ALG10: variants seen among roughly 807,000 people sequenced by gnomAD.
ALG10 encodes the protein ALG10 alpha-1,2-glucosyltransferase.
In ALG10, 25 loss-of-function variants were observed where a neutral mutation model predicts 39.2. That is an observed-to-expected ratio of 0.64 (90% CI 0.46 to 0.89). ALG10 has a LOEUF of 0.89. Ranked by LOEUF, ALG10 falls within the 40% of genes least tolerant of loss-of-function variation. The pLI is 0.00. For missense variants in ALG10, 486 were observed against 546.6 expected (o/e 0.89, Z 1.11); for synonymous variants, 184 against 193.9 (o/e 0.95, Z 0.42).
Position 34,026,678 on chromosome 12 carries a change from G to C in ALG10, c.1185G>C (p.Trp395Cys), listed in dbSNP as rs751417343. Residue 395 changes from tryptophan (W) to cysteine (C), a missense_variant, in exon 3 of 3, where the codon TGG becomes TGC. Physicochemically the swap from Trp to Cys is radical, Grantham distance 215. Transcript: ENST00000266483. ...CATTGAAATCAAAGTCAATTTTTTG[G>C]AATTTAATGTTTTTCATATGCTTGT... ...ADSLKSKSIF[W>C]NLMFFICLFT... The C allele has an allele frequency of 1.9e-6, 3 of 1,613,604 alleles. No individual in the cohort carries two copies. Among genetic ancestry groups the C allele is most frequent in the Non-Finnish European group, 2.5e-6 (3 of 1,179,826 alleles).
At position 34,025,982 on chromosome 12, in the gene ALG10, G is replaced by A. The variant is rs775533021; in HGVS notation, c.489G>A (p.Ala163=). The change falls in exon 3 of 3, where the codon GCG becomes GCA. Residue 163 remains alanine, a synonymous_variant. Coordinates refer to ENST00000266483, the MANE Select transcript of ALG10 (RefSeq NM_032834.4). ...GATCTATGTTTTTTACTCTTTTTGC[G>A]TATTTGATGTGTCTTTATGGAAATC... ...EAGSMFFTLF[A]YLMCLYGNHK... is the part of the protein sequence containing the mutation. 9.3e-5 allele frequency: 150 copies of A among 1,613,546 alleles called. 1 individual carries two copies. Among genetic ancestry groups the A allele is most frequent in the East Asian group, 4.5e-5 (2 of 44,870 alleles).
Position 34,022,711 on chromosome 12 carries a change from G to C in ALG10, c.112G>C (p.Glu38Gln), listed in dbSNP as rs778757690. 3 of 1,614,062 alleles carry C rather than the reference G, an allele frequency of 1.9e-6. No homozygotes were observed. The highest frequency in any genetic ancestry group is 3.3e-5 in the Admixed American group (2 of 60,022). Residue 38 changes from glutamate (E) to glutamine (Q), a missense_variant, in exon 1 of 3, where the codon GAG becomes CAG. Physicochemically the swap from Glu to Gln is conservative, Grantham distance 29 (BLOSUM62 2). Coordinates refer to ENST00000266483, the MANE Select transcript of ALG10 (RefSeq NM_032834.4). ...GGCGTTGCGAGAGCCCTACATGGAC[G>C]AGATCTTCCACCTGCCTCAGGCGCA... Reference protein sequence around the residue: ...SRALREPYMDEIFHLPQAQRY... With the variant: ...SRALREPYMDQIFHLPQAQRY...
chr12:34,025,039 G>A (rs1387819997), intron 2 of ALG10, among the ~76,000 whole-genome samples: 2 of 152,124 alleles, frequency 1.3e-5, no homozygotes, highest in African/African-American at 2.4e-5. Flanking sequence ...ATTGAACAAC[G>A]AGTTGCAGGG....
chr12:34,023,690 A>T (rs1333982164), intron 1 of ALG10: 2 of 454,138 alleles, frequency 4.4e-6, no homozygotes, highest in Non-Finnish European at 8.1e-6. Context: ...ATCAAAATAA[A>T]GGCTTTTAAA....
At chr12:34,023,620 C>T (rs60217093) in intron 1 of ALG10, 5,157 of 351,088 alleles carry the variant, frequency 0.015, 216 homozygotes, top group African/African-American at 0.089. Context: ...TTTTCCTAAA[C>T]TTAAGAGTCC....
Position 34,026,105 on chromosome 12 carries a change from G to T in ALG10, c.612G>T (p.Lys204Asn). ...GTGCAGGAAATGTCATTGCACAAAA[G>T]TTAACGGAGGCTTGGAAAACTGAGC... ...VFCAGNVIAQ[K>N]LTEAWKTELQ... is the part of the protein sequence containing the mutation. The change falls in exon 3 of 3, where the codon AAG becomes AAT. Residue 204 changes from lysine to asparagine, a missense_variant. By Grantham distance (94) the Lys-to-Asn change is moderately conservative. Coordinates refer to ENST00000266483, the MANE Select transcript of ALG10 (RefSeq NM_032834.4). 6.2e-7 allele frequency: 1 copy of T among 1,614,082 alleles called. No individual in the cohort carries two copies. Among genetic ancestry groups the T allele is most frequent in the Non-Finnish European group, 8.5e-7 (1 of 1,179,966 alleles).
In ALG10 at chr12:34,028,103, G is replaced by A. The variant is rs3209464; in HGVS notation, c.*1188G>A. ...TGATCTGAGTAGACATTGTCTCTTC[G>A]TGGGATACTTTTCAGTCCATGACAG... On this transcript the variant is annotated 3_prime_UTR_variant, in exon 3 of 3. Transcript: ENST00000266483. 2.0e-5 allele frequency: 3 copies of A among 152,120 alleles called. No individual in the cohort carries two copies. Among genetic ancestry groups the A allele is most frequent in the Admixed American group, 6.6e-5 (1 of 15,266 alleles). 9.4% of individuals were successfully genotyped at this position (152,120 alleles called of 1,614,324 possible).
intron 2 of ALG10, among the ~76,000 whole-genome samples, chr12:34,025,281 G>T (rs1345424050): frequency 2.6e-5 from 4 of 152,126 alleles, no homozygotes; most frequent in Non-Finnish European, 5.9e-5. Context: ...TGTCAGAAAG[G>T]CCAAAAGAAG....
At chr12:34,023,918 T>A (rs758142080) in intron 1 of ALG10, 44 bp from the exon 2 acceptor site, 1 of 1,609,924 alleles carries the variant, frequency 6.2e-7, no homozygotes. Flanking sequence ...CCTGTCTTGT[T>A]CCTATTACCT....
rs1340111748 is a variant in ALG10, at chr12:34,027,099, G to A, written c.*184G>A. ...AATTAAGTGGCAAAGAACTGAGAAAGCTTAAGACCTGCTTCAAAAGCCTGA... is the reference window on the plus strand; with the variant it reads ...AATTAAGTGGCAAAGAACTGAGAAAACTTAAGACCTGCTTCAAAAGCCTGA... On this transcript the variant is annotated 3_prime_UTR_variant, in exon 3 of 3. Coordinates refer to ENST00000266483, the MANE Select transcript of ALG10 (RefSeq NM_032834.4). The A allele has an allele frequency of 1.7e-6, 1 of 573,556 alleles. No homozygotes were observed. Among genetic ancestry groups the A allele is most frequent in the Admixed American group, 3.9e-5 (1 of 25,794 alleles). The allele number at this position is 573,556 out of a possible 1,614,324, so 35.5% of individuals were successfully genotyped here.
In ALG10 at chr12:34,027,569, C is replaced by T. The variant is rs1942848257; in HGVS notation, c.*654C>T. The T allele has an allele frequency of 6.6e-6, 1 of 152,376 alleles. No individual in the cohort carries two copies. The highest frequency in any genetic ancestry group is 1.5e-5 in the Non-Finnish European group (1 of 67,998). The allele number at this position is 152,376 out of a possible 1,614,324, so 9.4% of individuals were successfully genotyped here. ...AAATGATGAAGCTCTTTCACTAATT[C>T]CTAATATGAAATGTATGATGGCCAA... On this transcript the variant is annotated 3_prime_UTR_variant, in exon 3 of 3. Coordinates refer to ENST00000266483, the MANE Select transcript of ALG10 (RefSeq NM_032834.4).
intron 1 of ALG10, 138 bp from the exon 2 acceptor site, chr12:34,023,824 G>A (rs2120688389): frequency 8.4e-7 from 1 of 1,195,874 alleles, no homozygotes; most frequent in Non-Finnish European, 1.2e-6. Context: ...GTTCTGCCAA[G>A]GACTTACTTA....
In ALG10 at chr12:34,026,784, C is replaced by T; in HGVS notation, c.1291C>T (p.Leu431=). ...PYVIYRLNIP[L]PPTSRLICEL... The stretch of plus-strand genomic sequence containing the variant: ...TGTCATTTATAGGCTTAACATACCT[C>T]TGCCTCCCACATCCAGACTCATTTG... Residue 431 remains leucine (L), a synonymous_variant, in exon 3 of 3, where the codon CTG becomes TTG. Coordinates refer to ENST00000266483, the MANE Select transcript of ALG10 (RefSeq NM_032834.4). 6.2e-7 allele frequency: 1 copy of T among 1,613,990 alleles called. No homozygotes were observed. Among genetic ancestry groups the T allele is most frequent in the Non-Finnish European group, 8.5e-7 (1 of 1,179,906 alleles).
chr12:34,026,461 GAA>G lies in ALG10; in HGVS notation c.969_970del (p.Arg323SerfsTer22), dbSNP rs1942834019. 6.2e-7 allele frequency: 1 copy of G among 1,613,902 alleles called. No individual in the cohort carries two copies. Among genetic ancestry groups the G allele is most frequent in the Admixed American group, 1.7e-5 (1 of 59,994 alleles). On this transcript the variant is annotated frameshift_variant, in exon 3 of 3. Transcript: ENST00000266483. LOFTEE classifies it high-confidence loss of function. ...TTTCTTTCCTTAGTTTGGAAACGTA[GAA>G]TTCTGTTTTTTGTGGTTACCTTAGT...
chr12:34,022,664 T>A lies in ALG10; in HGVS notation c.65T>A (p.Leu22His). The change falls in exon 1 of 3, where the codon CTC becomes CAC. Residue 22 changes from leucine (L) to histidine (H), a missense_variant. Physicochemically the swap from Leu to His is moderately conservative, Grantham distance 99. Coordinates refer to ENST00000266483, the MANE Select transcript of ALG10 (RefSeq NM_032834.4). ...AGCTGTACCTTTTTAGTATCCTGCC[T>A]CCTCTTCTCCGCCTTCAGCCGGGCG... is the stretch of plus-strand genomic sequence containing the variant. The part of the protein sequence containing the change: ...ALSCTFLVSC[L>H]LFSAFSRALR... 1 of 1,614,100 alleles carries A rather than the reference T, an allele frequency of 6.2e-7. No homozygotes were observed. The highest frequency in any genetic ancestry group is 8.5e-7 in the Non-Finnish European group (1 of 1,179,966).
chr12:34,022,906 C>G (rs1942794223), intron 1 of ALG10, 136 bp downstream of exon 1: 1 of 1,171,408 alleles, frequency 8.5e-7, no homozygotes. Flanking sequence ...TGGGTATAGT[C>G]TTTTGTTCCT....
At chr12:34,025,241 A>G (rs1347177420) in intron 2 of ALG10, among the ~76,000 whole-genome samples, 1 of 152,220 alleles carries the variant, frequency 6.6e-6, no homozygotes, top group African/African-American at 2.4e-5. Flanking sequence ...ATTCAAGAAC[A>G]TAAGAACACT....
rs772486745 is a variant in ALG10 at position 34,026,903 on chromosome 12, G to A, written c.1410G>A (p.Arg470=). The A allele has an allele frequency of 3.7e-6, 6 of 1,613,296 alleles. No homozygotes were observed. Among genetic ancestry groups the A allele is most frequent in the South Asian group, 3.3e-5 (3 of 90,950 alleles). The change falls in exon 3 of 3, where the codon AGG becomes AGA. Residue 470 remains arginine (R), a synonymous_variant. Coordinates refer to ENST00000266483, the MANE Select transcript of ALG10 (RefSeq NM_032834.4). The part of the protein sequence containing the change: ...FQWPNSQDIQ[R]FMW ...GGCCAAATAGTCAGGACATTCAAAG[G>A]TTTATGTGGTAATATCAGTGATATT...
rs1399327608 is a variant in ALG10, at chr12:34,027,369, T to C, written c.*454T>C. The C allele has an allele frequency of 1.3e-5, 2 of 152,686 alleles. No individual in the cohort carries two copies. Among genetic ancestry groups the C allele is most frequent in the African/African-American group, 4.8e-5 (2 of 41,438 alleles). The allele number at this position is 152,686 out of a possible 1,614,324, so 9.5% of individuals were successfully genotyped here. A position where few individuals can be genotyped will look rare whatever the true frequency, so the allele number is the denominator to read the frequency against. Reference sequence around the variant, plus strand: ...TTTTACCAACCTAATAACAATGTATTAGCAAATATTTACAAATGGTCAGGT... The same window carrying C: ...TTTTACCAACCTAATAACAATGTATCAGCAAATATTTACAAATGGTCAGGT... On this transcript the variant is annotated 3_prime_UTR_variant, in exon 3 of 3. Coordinates refer to ENST00000266483, the MANE Select transcript of ALG10 (RefSeq NM_032834.4).
Sources: allele counts gnomAD v4.1 joint callset (sites outside exome capture counted in the v4.1 genomes callset), GRCh38; gene constraint gnomAD v4.1.1; transcripts MANE v1.5; gene names NCBI Gene and HGNC (gene_info 2026-07-23, HGNC 2026-07-21).